The following KLF3 variants were observed in gnomAD, a reference collection of about 807,000 sequenced individuals.
The protein encoded by KLF3 is KLF transcription factor 3.
Under a neutral mutation model 32.7 loss-of-function variants are expected in KLF3, and 6 were observed. The observed-to-expected ratio is 0.18, with a 90% CI of 0.10 to 0.36. KLF3 has a LOEUF of 0.36. KLF3 is among the 10% of genes least tolerant of loss of function. The pLI is 1.00. For missense variants in KLF3, 338 were observed against 449.7 expected, an observed-to-expected ratio of 0.75 and a Z score of 2.25; for synonymous variants, 145 against 172.8, an observed-to-expected ratio of 0.84 and a Z score of 1.26.
chr4:38,670,359 C>T (rs148513730), intron 1 of KLF3, among the ~76,000 whole-genome samples: 1 of 152,274 alleles, frequency 6.6e-6, no homozygotes, highest in East Asian at 1.9e-4. Flanking sequence ...CCAGGGATGG[C>T]CCAGAGCTAG....
intron 2 of KLF3, 70 bp downstream of exon 2, chr4:38,680,752 T>C (rs1265332857): frequency 7.8e-7 from 1 of 1,280,980 alleles, no homozygotes; most frequent in Non-Finnish European, 1.1e-6. Flanking sequence ...GTGTGTTGAA[T>C]TATTCCTTGA....
chr4:38,690,390 G>A (rs1298720293), intron 4 of KLF3: 1 of 152,278 alleles, frequency 6.6e-6, no homozygotes, highest in Non-Finnish European at 1.5e-5. Context: ...GTATAATGTG[G>A]TAGTTGCCAC....
In KLF3 at chr4:38,688,739, C is replaced by T; in HGVS notation, c.212C>T (p.Ser71Leu). The change falls in exon 3 of 6, where the codon TCA becomes TTA. Residue 71 changes from serine (S) to leucine (L), a missense_variant. This residue lies in a region of KLF3 where 272 missense variants were observed against 313.4 expected (regional missense o/e 0.87). Coordinates refer to ENST00000261438, the MANE Select transcript of KLF3 (RefSeq NM_016531.6). This position sits in a 1 kb window ranked among gnomAD's most constrained non-coding sequence, Gnocchi z 4.9. ...PVDLTVNKRSSPPSAGNSPSS... is the reference protein window; with the variant it reads ...PVDLTVNKRSLPPSAGNSPSS... The stretch of plus-strand genomic sequence containing the variant: ...GACCTCACGGTGAACAAGCGGAGTT[C>T]ACCCCCTTCGGCTGGGAATTCGCCC... 1.9e-6 allele frequency: 3 copies of T among 1,614,200 alleles called. No homozygotes were observed.
At chr4:38,690,039 G>A (rs571135148) in intron 4 of KLF3, 160 bp downstream of exon 4, 1 of 583,568 alleles carries the variant, frequency 1.7e-6, no homozygotes, top group Non-Finnish European at 2.9e-6. Context: ...CAAGATGGGA[G>A]AATCTCTCCA....
rs1214343824 is a variant in KLF3 at position 38,680,650 on chromosome 4, G to A, written c.25G>A (p.Val9Ile). 6.2e-7 allele frequency: 1 copy of A among 1,613,918 alleles called. No homozygotes were observed. The highest frequency in any genetic ancestry group is 2.2e-5 in the East Asian group (1 of 44,882). Reference sequence around the variant, plus strand: ...AATGCTCATGTTTGACCCAGTTCCTGTCAAGCAAGAGGCCATGGACCCTGT... The same window carrying A: ...AATGCTCATGTTTGACCCAGTTCCTATCAAGCAAGAGGCCATGGACCCTGT... MLMFDPVP[V>I]KQEAMDPVSV... is the part of the protein sequence containing the mutation. The change falls in exon 2 of 6, where the codon GTC becomes ATC. Residue 9 changes from valine (V) to isoleucine (I), a missense_variant. Val to Ile is a conservative substitution (Grantham distance 29, BLOSUM62 3). This residue lies in a region of KLF3 where 272 missense variants were observed against 313.4 expected (regional missense o/e 0.87). Coordinates refer to ENST00000261438, the MANE Select transcript of KLF3 (RefSeq NM_016531.6).
intron 2 of KLF3, among the ~76,000 whole-genome samples, chr4:38,687,472 A>G (rs1037229038): frequency 6.6e-6 from 1 of 152,230 alleles, no homozygotes; most frequent in Admixed American, 6.5e-5. Context: ...AAGCTGGCAG[A>G]TGAAAGTTAG....
At chr4:38,679,336 T>G (rs562923194) in intron 1 of KLF3, among the ~76,000 whole-genome samples, 2 of 152,330 alleles carry the variant, frequency 1.3e-5, no homozygotes, top group South Asian at 4.1e-4. Flanking sequence ...AGAATAAAAA[T>G]CATTTGCCAT....
rs1366003080 is a variant in KLF3 at position 38,689,378 on chromosome 4, G to C, written c.544+307G>C. On this transcript the variant is annotated intron_variant, in intron 3 of 5. Coordinates refer to ENST00000261438, the MANE Select transcript of KLF3 (RefSeq NM_016531.6). The stretch of plus-strand genomic sequence containing the variant: ...ACCAACATGGTTCTAGGTACAAAAG[G>C]CATTTAATAAATCCTTTTTGATTGT... Among the ~76,000 whole-genome samples, 5 of 152,212 alleles carry C rather than the reference G, an allele frequency of 3.3e-5. No individual in the cohort carries two copies. The East Asian group carries it at 9.6e-4, about 29-fold the overall frequency.
intron 4 of KLF3, chr4:38,690,082 G>A (rs948962152): frequency 4.5e-6 from 2 of 444,252 alleles, no homozygotes; most frequent in African/African-American, 4.1e-5. Flanking sequence ...ACAACGTTAT[G>A]ACAAAAGTTA....
Position 38,664,456 on chromosome 4 carries a change from C to T in KLF3, c.-45C>T, listed in dbSNP as rs1721928811. The T allele has an allele frequency of 2.6e-5, 4 of 152,180 alleles. No individual in the cohort carries two copies. The South Asian group carries it at 8.3e-4, about 31-fold the overall frequency. The allele number at this position is 152,180 out of a possible 1,614,324, so 9.4% of individuals were successfully genotyped here. A position where few individuals can be genotyped will look rare whatever the true frequency, so the allele number is the denominator to read the frequency against. On this transcript the variant is annotated 5_prime_UTR_variant, in exon 1 of 6. Coordinates refer to ENST00000261438, the MANE Select transcript of KLF3 (RefSeq NM_016531.6). ...GTCGGCGGCGCCCTGCACCGCGCCT[C>T]GCAAAGTAAGTCCCGTCTCCCTCAC... is the stretch of plus-strand genomic sequence containing the variant.
Position 38,688,936 on chromosome 4 carries a change from C to T in KLF3, c.409C>T (p.Arg137Trp), listed in dbSNP as rs764010396. 9 of 1,614,242 alleles carry T rather than the reference C, an allele frequency of 5.6e-6. No individual in the cohort carries two copies. Among genetic ancestry groups the T allele is most frequent in the Non-Finnish European group, 6.8e-6 (8 of 1,180,030 alleles). ...AGCTGCCCTCTCGCGGCATGGAATA[C>T]GGAGCCCGGGGATCCTGCCCGTCAT... ...MAAALSRHGI[R>W]SPGILPVIQP... is the part of the protein sequence containing the mutation. Residue 137 changes from arginine (R) to tryptophan (W), a missense_variant, in exon 3 of 6, where the codon CGG becomes TGG. By Grantham distance (101) the Arg-to-Trp change is moderately radical. Transcript: ENST00000261438. The surrounding 1 kb of genome is among the most constrained non-coding windows in gnomAD (Gnocchi z 4.9).
chr4:38,694,820 G>A lies in KLF3; in HGVS notation c.770G>A (p.Arg257Gln), dbSNP rs183262895. 10 of 1,607,800 alleles carry A rather than the reference G, an allele frequency of 6.2e-6. No individual in the cohort carries two copies. Among genetic ancestry groups the A allele is most frequent in the African/African-American group, 4.0e-5 (3 of 74,522 alleles). ...PVESPDTQRK[R>Q]RIHRCDYDGC... The stretch of plus-strand genomic sequence containing the variant: ...GAATCCCCGGATACTCAAAGGAAGC[G>A]GAGGATACACAGATGTGATTATGAT... Residue 257 changes from arginine to glutamine, a missense_variant, in exon 5 of 6, where the codon CGG (arginine) becomes CAG (glutamine). Coordinates refer to ENST00000261438, the MANE Select transcript of KLF3 (RefSeq NM_016531.6).
chr4:38,668,433 T>C (rs181941160), intron 1 of KLF3, among the ~76,000 whole-genome samples: 44 of 152,260 alleles, frequency 2.9e-4, no homozygotes, highest in African/African-American at 1.0e-3. Context: ...CCAAAATTGA[T>C]GATAATGGTG....
rs776148630 is a variant in KLF3 at position 38,689,707 on chromosome 4, C to T, written c.545-22C>T. 11 of 1,552,454 alleles carry T rather than the reference C, an allele frequency of 7.1e-6. 1 individual carries two copies. Among genetic ancestry groups the T allele is most frequent in the Non-Finnish European group, 8.7e-6 (10 of 1,146,574 alleles). ...AATTGGTAAACTGTACGTGAAGTGA[C>T]TTTTCTATTTTTATTTTTTAGTACC... On this transcript the variant is annotated intron_variant, in intron 3 of 5. Transcript: ENST00000261438.
intron 1 of KLF3, among the ~76,000 whole-genome samples, chr4:38,665,723 A>G (rs1722012579): frequency 6.6e-6 from 1 of 152,218 alleles, no homozygotes; most frequent in Non-Finnish European, 1.5e-5. Flanking sequence ...AGTACCTGAA[A>G]TGTGCCAGCA....
rs139816072 is a variant in KLF3 at position 38,669,618 on chromosome 4, C to T, written c.-40+5157C>T. 1.8e-3 allele frequency among the ~76,000 whole-genome samples: 267 copies of T among 152,112 alleles called. 1 individual carries two copies. Among genetic ancestry groups the T allele is most frequent in the African/African-American group, 6.1e-3 (252 of 41,488 alleles). ...CAAAAAAATAGTGTCCTCGGCCGGG[C>T]GCGGTGGCTCACACCTGTAATTTCA... On this transcript the variant is annotated intron_variant, in intron 1 of 5. Transcript: ENST00000261438.
chr4:38,683,080 G>A (rs763769784), intron 2 of KLF3, among the ~76,000 whole-genome samples: 1 of 151,968 alleles, frequency 6.6e-6, no homozygotes, highest in Admixed American at 6.6e-5. Flanking sequence ...TTCAAATTTC[G>A]TCTTTCCTGC....
At chr4:38,665,883 T>C (rs1185151869) in intron 1 of KLF3, among the ~76,000 whole-genome samples, 2 of 152,194 alleles carry the variant, frequency 1.3e-5, no homozygotes, top group Non-Finnish European at 2.9e-5. Flanking sequence ...AGACTTGCTT[T>C]TAGGGGAAAA....
intron 4 of KLF3, among the ~76,000 whole-genome samples, chr4:38,693,377 T>G: frequency 6.7e-6 from 1 of 150,216 alleles, no homozygotes. Context: ...AGAAGTAAGG[T>G]CACTTAAGAA....
Sources: allele counts gnomAD v4.1 joint callset (sites outside exome capture counted in the v4.1 genomes callset), GRCh38; gene constraint gnomAD v4.1.1; regional missense constraint gnomAD v4.1.1; non-coding constraint Gnocchi (gnomAD v3.1); transcripts MANE v1.5; gene names NCBI Gene and HGNC (gene_info 2026-07-23, HGNC 2026-07-21).